Variants in RPS6KA2 observed in about 807,000 individuals in gnomAD.
RPS6KA2 encodes the protein ribosomal protein S6 kinase alpha-2.
A neutral mutation model predicts 91.8 loss-of-function variants in RPS6KA2; 42 were observed. The observed-to-expected ratio is 0.46, with a 90% CI of 0.36 to 0.59. The LOEUF (loss-of-function observed/expected upper bound fraction) is 0.59, where lower values mean the gene tolerates loss of function less well. Ranked by LOEUF, RPS6KA2 falls within the 20% of genes least tolerant of loss-of-function variation. The probability of loss-of-function intolerance (pLI) is 0.00; values close to 1 mark genes in which losing one functional copy is unlikely to be tolerated. For missense variants in RPS6KA2, 798 were observed against 978.5 expected (o/e 0.82, Z 2.46); for synonymous variants, 414 against 393.6 (o/e 1.05, Z -0.61).
intron 1 of RPS6KA2, among the ~76,000 whole-genome samples, chr6:166,579,043 G>A (rs937747026): frequency 3.9e-5 from 6 of 152,214 alleles, no homozygotes; most frequent in African/African-American, 1.4e-4. Flanking sequence ...ATGTCGAGCA[G>A]CATGGAAAAC....
chr6:166,567,846 T>C (rs1784548738), intron 1 of RPS6KA2, among the ~76,000 whole-genome samples: 1 of 152,206 alleles, frequency 6.6e-6, no homozygotes, highest in Non-Finnish European at 1.5e-5. Context: ...CGATCCGTGC[T>C]AAGCTTACGT....
At chr6:166,798,229 G>T (rs1381622734) in intron 2 of RPS6KA2, among the ~76,000 whole-genome samples, 1 of 152,222 alleles carries the variant, frequency 6.6e-6, no homozygotes. Flanking sequence ...TCAGCCTTGG[G>T]GTGGCCCCTG....
At position 166,862,347 on chromosome 6, in the gene RPS6KA2, G is replaced by A. The variant is rs1035406500; in HGVS notation, c.-177C>T. The A allele has an allele frequency of 9.9e-5, 144 of 1,451,280 alleles. 1 individual carries two copies. Among genetic ancestry groups the A allele is most frequent in the Non-Finnish European group, 1.2e-4 (135 of 1,103,126 alleles). The allele number at this position is 1,451,280 out of a possible 1,614,324, so 89.9% of individuals were successfully genotyped here. A position where few individuals can be genotyped will look rare whatever the true frequency, so the allele number is the denominator to read the frequency against. On this transcript the variant is annotated 5_prime_UTR_variant, in exon 1 of 22. Transcript: ENST00000503859. Reference sequence around the variant, plus strand: ...GGCTCCCAGAGGAGGTCGTGAGCGCGGGGCCTGCGCCGGCCGGAGGAGGGA... The same window carrying A: ...GGCTCCCAGAGGAGGTCGTGAGCGCAGGGCCTGCGCCGGCCGGAGGAGGGA...
chr6:166,843,906 C>G (rs1052575215), intron 2 of RPS6KA2, among the ~76,000 whole-genome samples: 1 of 151,930 alleles, frequency 6.6e-6, no homozygotes, highest in Non-Finnish European at 1.5e-5. Flanking sequence ...AGCAATGGAT[C>G]CAAACCAAAA....
intron 2 of RPS6KA2, among the ~76,000 whole-genome samples, chr6:166,828,308 C>T (rs1342759235): frequency 6.6e-6 from 1 of 152,198 alleles, no homozygotes; most frequent in Non-Finnish European, 1.5e-5. Context: ...GACCTGCCCT[C>T]CTTTCCCCTT....
In RPS6KA2 at chr6:166,531,262, T is replaced by C; in HGVS notation, c.268A>G (p.Met90Val). The change falls in exon 3 of 21, where the codon ATG (methionine) becomes GTG (valine). Residue 90 changes from methionine to valine, a missense_variant. By Grantham distance (21) the Met-to-Val change is conservative. Coordinates refer to ENST00000265678, the MANE Select transcript of RPS6KA2 (RefSeq NM_021135.6). ...AGGGTGGCTTTCTTAAGGACCTTCATGGCGTAGAGCTGCCCAGCGTCGGAC... is the reference window on the plus strand; with the variant it reads ...AGGGTGGCTTTCTTAAGGACCTTCACGGCGTAGAGCTGCCCAGCGTCGGAC... Reference protein sequence around the residue: ...KGSDAGQLYAMKVLKKATLKV... With the variant: ...KGSDAGQLYAVKVLKKATLKV... 6.2e-7 allele frequency: 1 copy of C among 1,614,180 alleles called. No homozygotes were observed. Among genetic ancestry groups the C allele is most frequent in the Non-Finnish European group, 8.5e-7 (1 of 1,180,002 alleles).
At chr6:166,742,806 T>C (rs1216540418) in intron 2 of RPS6KA2, among the ~76,000 whole-genome samples, 2 of 152,362 alleles carry the variant, frequency 1.3e-5, no homozygotes, top group Middle Eastern at 3.4e-3. Flanking sequence ...AACAGGTGAA[T>C]GGAGCACTCT....
At chr6:166,805,533 C>T (rs1400302290) in intron 2 of RPS6KA2, among the ~76,000 whole-genome samples, 3 of 152,202 alleles carry the variant, frequency 2.0e-5, no homozygotes, top group Non-Finnish European at 2.9e-5. Flanking sequence ...AGCAACCATG[C>T]ATGCCCAGGG....
At chr6:166,498,212 G>T (rs1781862792) in intron 8 of RPS6KA2, among the ~76,000 whole-genome samples, 1 of 152,200 alleles carries the variant, frequency 6.6e-6, no homozygotes, top group South Asian at 2.1e-4. Flanking sequence ...GAAAATCATG[G>T]CATCTCTTGT....
In RPS6KA2 at chr6:166,831,809, G is replaced by C. The variant is rs28382401; in HGVS notation, c.123+26391C>G. On this transcript the variant is annotated intron_variant, in intron 2 of 21. Coordinates refer to the RPS6KA2 transcript ENST00000503859. ...TAGATACATAGATAGATGATAGATAGATAGATGATAGATAGTAGACACATA... is the reference window on the plus strand; with the variant it reads ...TAGATACATAGATAGATGATAGATACATAGATGATAGATAGTAGACACATA... 2.6e-5 allele frequency among the ~76,000 whole-genome samples: 4 copies of C among 151,080 alleles called. 1 individual carries two copies. Among genetic ancestry groups the C allele is most frequent in the African/African-American group, 9.8e-5 (4 of 40,946 alleles).
At chr6:166,760,004 T>C (rs1248230366) in intron 2 of RPS6KA2, among the ~76,000 whole-genome samples, 1 of 152,244 alleles carries the variant, frequency 6.6e-6, no homozygotes, top group East Asian at 1.9e-4. Flanking sequence ...TTAAAATATG[T>C]AGTATTCAGG....
At chr6:166,604,247 G>A (rs1047070110) in intron 1 of RPS6KA2, among the ~76,000 whole-genome samples, 4 of 152,146 alleles carry the variant, frequency 2.6e-5, no homozygotes, top group Non-Finnish European at 5.9e-5. Context: ...ATCAGTGTTT[G>A]TAAGTTTCAG....
upstream of RPS6KA2, among the ~76,000 whole-genome samples, chr6:166,630,747 C>T (rs1033042818): frequency 1.3e-5 from 2 of 152,234 alleles, no homozygotes; most frequent in Admixed American, 6.5e-5. Flanking sequence ...AGTCAAGCTT[C>T]CCTTAGTGTA....
At chr6:166,466,301 C>T (rs1489502589) in intron 11 of RPS6KA2, among the ~76,000 whole-genome samples, 1 of 152,210 alleles carries the variant, frequency 6.6e-6, no homozygotes, top group African/African-American at 2.4e-5. Context: ...GCTCGCCGGA[C>T]CTCAGCATTC....
chr6:166,832,008 A>G (rs1043877249), intron 2 of RPS6KA2, among the ~76,000 whole-genome samples: 5 of 151,760 alleles, frequency 3.3e-5, no homozygotes, highest in African/African-American at 9.7e-5. Flanking sequence ...TGATAGATAC[A>G]TATATACATA....
At chr6:166,453,364 T>TCAA (rs1236256125) in intron 12 of RPS6KA2, among the ~76,000 whole-genome samples, 2 of 151,680 alleles carry the variant, frequency 1.3e-5, no homozygotes, top group African/African-American at 4.9e-5. Flanking sequence ...CTCGAACAAC[T>TCAA]CAACAACAAC....
intron 1 of RPS6KA2, among the ~76,000 whole-genome samples, chr6:166,615,022 C>T (rs1283088048): frequency 6.6e-6 from 1 of 152,152 alleles, no homozygotes. Flanking sequence ...ACCAAGAACA[C>T]CAGGGGTCTA....
rs888202426 is a variant in RPS6KA2 at position 166,737,049 on chromosome 6, C to T, written c.123+121151G>A. ...CAGGAAGGGAAAGAGAGCGGCAAAGCGCATGGAGCCTACGCTTTTTTACAG... is the reference window on the plus strand; with the variant it reads ...CAGGAAGGGAAAGAGAGCGGCAAAGTGCATGGAGCCTACGCTTTTTTACAG... On this transcript the variant is annotated intron_variant, in intron 2 of 21. Coordinates refer to the RPS6KA2 transcript ENST00000503859. This position sits in a 1 kb window ranked among gnomAD's most constrained non-coding sequence, Gnocchi z 4.3. Among the ~76,000 whole-genome samples the T allele has an allele frequency of 2.6e-5, 4 of 152,150 alleles. No individual in the cohort carries two copies. Among genetic ancestry groups the T allele is most frequent in the African/African-American group, 7.2e-5 (3 of 41,420 alleles).
At chr6:166,659,846 G>A (rs1023286833) in intron 2 of RPS6KA2, among the ~76,000 whole-genome samples, 51 of 152,232 alleles carry the variant, frequency 3.4e-4, no homozygotes, top group African/African-American at 1.2e-3. Context: ...GACAGCATGC[G>A]GTGGTAGCTG....
Sources: allele counts gnomAD v4.1 joint callset (sites outside exome capture counted in the v4.1 genomes callset), GRCh38; gene constraint gnomAD v4.1.1; non-coding constraint Gnocchi (gnomAD v3.1); transcripts MANE v1.5; gene names NCBI Gene and HGNC (gene_info 2026-07-23, HGNC 2026-07-21).